Variants in ADAM12 observed in about 807,000 individuals in gnomAD.
ADAM12 encodes ADAM metallopeptidase domain 12.
A neutral mutation model predicts 106.4 loss-of-function variants in ADAM12; 70 were observed. The observed-to-expected ratio is 0.66, with a 90% confidence interval of 0.54 to 0.80. The LOEUF is 0.80. Ranked by LOEUF, ADAM12 falls within the 30% of genes least tolerant of loss-of-function variation. The pLI is 0.00. For synonymous variants in ADAM12, 420 were observed against 433.5 expected (o/e 0.97, Z 0.39); for missense variants, 1,010 against 1,171.9 (o/e 0.86, Z 2.02).
At chr10:126,207,445 A>G (rs1170740156) in intron 3 of ADAM12, among the ~76,000 whole-genome samples, 1 of 152,230 alleles carries the variant, frequency 6.6e-6, no homozygotes, top group Non-Finnish European at 1.5e-5. Flanking sequence ...TTTTATGTGA[A>G]AGCACATTAA....
At chr10:126,217,814 A>G (rs1958015252) in intron 3 of ADAM12, among the ~76,000 whole-genome samples, 1 of 151,776 alleles carries the variant, frequency 6.6e-6, no homozygotes, top group African/African-American at 2.4e-5. Flanking sequence ...TCTCTACTAA[A>G]AAATATGAAA....
intron 13 of ADAM12, 94 bp from the exon 14 acceptor site, chr10:126,065,095 A>C (rs971280363): frequency 6.1e-6 from 8 of 1,301,382 alleles, no homozygotes; most frequent in Non-Finnish European, 8.4e-6. Flanking sequence ...CAAGGCCATA[A>C]GTCCCACATA....
At chr10:126,316,535 C>T (rs1053774546) in intron 2 of ADAM12, among the ~76,000 whole-genome samples, 1 of 151,952 alleles carries the variant, frequency 6.6e-6, no homozygotes, top group Non-Finnish European at 1.5e-5. Flanking sequence ...TGAAAACATA[C>T]ACCTGATGAG....
intron 10 of ADAM12, among the ~76,000 whole-genome samples, chr10:126,094,917 C>T (rs1006359302): frequency 1.3e-5 from 2 of 152,034 alleles, no homozygotes; most frequent in African/African-American, 4.8e-5. Context: ...TAGTGGAGTG[C>T]CTGGATGGCT....
At chr10:126,245,550 A>G (rs570901864) in intron 3 of ADAM12, among the ~76,000 whole-genome samples, 2 of 152,224 alleles carry the variant, frequency 1.3e-5, no homozygotes, top group Admixed American at 6.5e-5. Context: ...TTTGGAATCA[A>G]TGGGAGTGGG....
At chr10:126,217,370 T>C (rs1175851718) in intron 3 of ADAM12, among the ~76,000 whole-genome samples, 3 of 139,984 alleles carry the variant, frequency 2.1e-5, no homozygotes, top group Non-Finnish European at 4.6e-5. Context: ...CATTTGGAAC[T>C]TTTTTTTTTT....
At chr10:126,084,788 C>G (rs528780592) in intron 11 of ADAM12, among the ~76,000 whole-genome samples, 4 of 152,136 alleles carry the variant, frequency 2.6e-5, no homozygotes, top group Non-Finnish European at 5.9e-5. Flanking sequence ...GCCTGCGAGC[C>G]AAAGGCTCAC....
chr10:126,301,286 G>T (rs977673278), intron 2 of ADAM12, among the ~76,000 whole-genome samples: 2 of 152,178 alleles, frequency 1.3e-5, no homozygotes, highest in African/African-American at 2.4e-5. Context: ...CAACACACTG[G>T]CTTACACAGC....
intron 3 of ADAM12, among the ~76,000 whole-genome samples, chr10:126,206,976 G>A (rs1025141794): frequency 6.6e-6 from 1 of 151,958 alleles, no homozygotes; most frequent in African/African-American, 2.4e-5. Context: ...GAGTTTCCCT[G>A]CACAAGCTCT....
In ADAM12 at chr10:126,276,572, TA is replaced by T. The variant is rs751672364; in HGVS notation, c.260+2342del. On this transcript the variant is annotated intron_variant, in intron 3 of 22. Transcript: ENST00000448723. Reference sequence around the variant, plus strand: ...TGAAGTATTTTTGGTAATGCATCATTAAAATAGTAATATTGGCATCCTCTTA... The same window carrying T: ...TGAAGTATTTTTGGTAATGCATCATTAAATAGTAATATTGGCATCCTCTTA... Among the ~76,000 whole-genome samples, 78 of 152,322 alleles carry T rather than the reference TA, an allele frequency of 5.1e-4. 1 individual carries two copies. Among genetic ancestry groups the T allele is most frequent in the Non-Finnish European group, 9.0e-4 (61 of 68,026 alleles).
intron 2 of ADAM12, among the ~76,000 whole-genome samples, chr10:126,299,189 A>G (rs1243219277): frequency 6.6e-6 from 1 of 152,246 alleles, no homozygotes; most frequent in Non-Finnish European, 1.5e-5. Flanking sequence ...GTTTAAACAC[A>G]GCACATATCC....
In ADAM12 at chr10:126,288,685, G is replaced by A. The variant is rs146655606; in HGVS notation, c.187-9697C>T. ...CCTAAGGACAGGATCATGCGGTGACGTGGTGATCCAGGGACAGGACCGTGT... is the reference window on the plus strand; with the variant it reads ...CCTAAGGACAGGATCATGCGGTGACATGGTGATCCAGGGACAGGACCGTGT... On this transcript the variant is annotated intron_variant, in intron 2 of 22. Transcript: ENST00000448723. Among the ~76,000 whole-genome samples the A allele has an allele frequency of 9.9e-5, 15 of 150,758 alleles. No homozygotes were observed. In the East Asian group the frequency reaches 1.8e-3, roughly 18 times the overall value.
intron 1 of ADAM12, among the ~76,000 whole-genome samples, chr10:126,379,746 A>ATT (rs66488807): frequency 0.093 from 14,029 of 150,446 alleles, 687 homozygotes; most frequent in East Asian, 0.17. Context: ...CAGTATTTCA[A>ATT]TTTTTTTTTT....
At chr10:126,140,610 TG>T (rs1465499513) in intron 4 of ADAM12, among the ~76,000 whole-genome samples, 1 of 152,242 alleles carries the variant, frequency 6.6e-6, no homozygotes, top group African/African-American at 2.4e-5. Context: ...ACAAGTCCGT[TG>T]TTCATTCCTG....
chr10:126,223,409 A>C (rs1011958893), intron 3 of ADAM12, among the ~76,000 whole-genome samples: 19 of 152,210 alleles, frequency 1.2e-4, no homozygotes, highest in African/African-American at 4.6e-4. Context: ...TCTCCAAGGA[A>C]ATGATTCTGC....
At chr10:126,101,630 C>T (rs751462458) in intron 8 of ADAM12, among the ~76,000 whole-genome samples, 5 of 152,236 alleles carry the variant, frequency 3.3e-5, no homozygotes, top group African/African-American at 4.8e-5. Flanking sequence ...ATCTTTCAGA[C>T]ACTTCTGCCA....
intron 14 of ADAM12, among the ~76,000 whole-genome samples, chr10:126,063,189 G>T (rs1017550914): frequency 6.6e-6 from 1 of 152,160 alleles, no homozygotes; most frequent in African/African-American, 2.4e-5. Flanking sequence ...CTGCCCACGC[G>T]CATCCCTGAG....
intron 18 of ADAM12, chr10:126,041,856 A>T: frequency 7.8e-7 from 1 of 1,277,170 alleles, no homozygotes. Context: ...GGCCTGCCAG[A>T]GTGGTAACCT....
In ADAM12 at chr10:126,102,722, A is replaced by G. The variant is rs1378461159; in HGVS notation, c.742-1481T>C. ...ATTAATGAGTTAACGAGACGATTAC[A>G]TGACTACAACACAGCCCAACAGTTT... On this transcript the variant is annotated intron_variant, in intron 8 of 22. Coordinates refer to ENST00000448723, the MANE Select transcript of ADAM12 (RefSeq NM_001288973.2). Among the ~76,000 whole-genome samples, 3 of 152,388 alleles carry G rather than the reference A, an allele frequency of 2.0e-5. No homozygotes were observed. The East Asian group carries it at 5.8e-4, about 29-fold the overall frequency.
Sources: gnomAD v4.1 joint callset for allele counts (sites outside exome capture counted in the v4.1 genomes callset) on GRCh38, gnomAD v4.1.1 for gene constraint, MANE v1.5 for transcripts, NCBI Gene and HGNC (gene_info 2026-07-23, HGNC 2026-07-21) for gene names.